Variants in NAALADL2 observed in about 807,000 individuals in gnomAD.
NAALADL2 encodes the protein inactive N-acetylated-alpha-linked acidic dipeptidase-like protein 2.
NAALADL2 carries 76 observed loss-of-function variants against 87.2 expected under a neutral mutation model. That is an observed-to-expected ratio of 0.87 (90% CI 0.72 to 1.05). The LOEUF is 1.05. Among genes scored for constraint, NAALADL2 ranks in the 50% least tolerant of loss-of-function variants. The pLI is 0.00. For missense variants in NAALADL2, 1,089 were observed against 945.8 expected (o/e 1.15, Z -1.99); for synonymous variants, 354 against 331.0 (o/e 1.07, Z -0.75).
intron 1 of NAALADL2, among the ~76,000 whole-genome samples, chr3:174,457,522 C>T (rs1413060468): frequency 6.6e-6 from 1 of 152,026 alleles, no homozygotes; most frequent in Non-Finnish European, 1.5e-5. Context: ...TGCAGCCATA[C>T]AGCCATAGAA....
intron 2 of NAALADL2, among the ~76,000 whole-genome samples, chr3:175,194,797 A>C (rs1185320362): frequency 6.6e-6 from 1 of 151,842 alleles, no homozygotes; most frequent in African/African-American, 2.4e-5. Flanking sequence ...TTTTCTATTT[A>C]AGGAACCACA....
chr3:175,787,087 G>C (rs1019605076), intron 13 of NAALADL2, among the ~76,000 whole-genome samples: 18 of 152,032 alleles, frequency 1.2e-4, no homozygotes, highest in African/African-American at 4.1e-4. Context: ...CTCCAGCTGT[G>C]TGCTGGGAGA....
At chr3:174,543,043 G>T (rs924270552) in intron 1 of NAALADL2, among the ~76,000 whole-genome samples, 5 of 152,176 alleles carry the variant, frequency 3.3e-5, no homozygotes, top group African/African-American at 9.7e-5. Flanking sequence ...AACCATAGGG[G>T]TGGTACTTTA....
In NAALADL2 at chr3:175,343,655, G is replaced by GTTTT. The variant is rs113806607; in HGVS notation, c.1090+19348_1090+19351dup. On this transcript the variant is annotated intron_variant, in intron 5 of 13. Coordinates refer to ENST00000454872, the MANE Select transcript of NAALADL2 (RefSeq NM_207015.3). ...TGGAGTTCCTGTGTGTCTTGATCAT[G>GTTTT]TTTTTTTTTTTTTTTTTTTTTCCCT... 5.8e-3 allele frequency among the ~76,000 whole-genome samples: 373 copies of GTTTT among 64,678 alleles called. 33 individuals carry two copies. The highest frequency in any genetic ancestry group is 0.015 in the African/African-American group (328 of 21,828). 42.4% of individuals were successfully genotyped at this position (64,678 alleles called of 152,430 possible).
At chr3:174,503,867 C>G (rs1719049455) in intron 1 of NAALADL2, among the ~76,000 whole-genome samples, 1 of 151,958 alleles carries the variant, frequency 6.6e-6, no homozygotes, top group Admixed American at 6.6e-5. Flanking sequence ...ACCCTTCTTT[C>G]AAAATTCTTC....
At chr3:174,640,234 C>T (rs959488355) in intron 2 of NAALADL2, among the ~76,000 whole-genome samples, 28 of 152,202 alleles carry the variant, frequency 1.8e-4, no homozygotes, top group African/African-American at 6.5e-4. Context: ...AACTGCTTCT[C>T]ATGTAGGCAA....
intron 5 of NAALADL2, among the ~76,000 whole-genome samples, chr3:175,368,572 A>AGTGTGTGTGT (rs3068008): frequency 1.3e-5 from 2 of 149,632 alleles, no homozygotes; most frequent in South Asian, 4.2e-4. Flanking sequence ...GGTGTGTGTG[A>AGTGTGTGTGT]GTGTGTGTGT....
intron 5 of NAALADL2, among the ~76,000 whole-genome samples, chr3:175,370,039 A>G (rs1262458931): frequency 6.6e-6 from 1 of 152,180 alleles, no homozygotes; most frequent in African/African-American, 2.4e-5. Context: ...GTCACATGTC[A>G]TCTGAGAGCT....
At chr3:175,787,229 G>A (rs1752127805) in intron 13 of NAALADL2, among the ~76,000 whole-genome samples, 1 of 152,104 alleles carries the variant, frequency 6.6e-6, no homozygotes, top group South Asian at 2.1e-4. Context: ...TTGAGCTGTG[G>A]TGGGCTCCAC....
chr3:175,628,563 A>G (rs1727312515), intron 11 of NAALADL2, among the ~76,000 whole-genome samples: 1 of 148,674 alleles, frequency 6.7e-6, no homozygotes, highest in Non-Finnish European at 1.5e-5. Flanking sequence ...TTGGGGATAG[A>G]CTTTATAGAG....
intron 2 of NAALADL2, among the ~76,000 whole-genome samples, chr3:175,176,320 A>C (rs1735685781): frequency 6.6e-6 from 1 of 152,122 alleles, no homozygotes; most frequent in Admixed American, 6.6e-5. Context: ...ATAGAATCAA[A>C]ATATTTTACA....
intron 12 of NAALADL2, among the ~76,000 whole-genome samples, chr3:175,747,720 T>G (rs2150114563): frequency 6.6e-6 from 1 of 152,252 alleles, no homozygotes; most frequent in East Asian, 1.9e-4. Flanking sequence ...CAATTTCAAC[T>G]TTCTGCCTCA....
At chr3:174,741,091 C>G (rs1435222126) in intron 3 of NAALADL2, among the ~76,000 whole-genome samples, 2 of 151,776 alleles carry the variant, frequency 1.3e-5, no homozygotes, top group Admixed American at 6.6e-5. Flanking sequence ...TACAATCTTA[C>G]AGCACTCATG....
At chr3:175,735,008 A>G (rs867253355) in intron 11 of NAALADL2, among the ~76,000 whole-genome samples, 3 of 152,308 alleles carry the variant, frequency 2.0e-5, no homozygotes, top group Middle Eastern at 3.4e-3. Context: ...CCAAATTTTT[A>G]TGCTCTGTTT....
intron 5 of NAALADL2, among the ~76,000 whole-genome samples, chr3:175,366,861 T>C (rs1765660376): frequency 6.6e-6 from 1 of 152,002 alleles, no homozygotes. Flanking sequence ...CTCTTTAGTA[T>C]AATTAGATCC....
chr3:174,584,625 C>A (rs1216598560), intron 2 of NAALADL2, among the ~76,000 whole-genome samples: 1 of 152,004 alleles, frequency 6.6e-6, no homozygotes, highest in African/African-American at 2.4e-5. Flanking sequence ...CTTTTAAGTA[C>A]AAATCTCCAT....
At chr3:175,258,529 CAA>C (rs1409913630) in intron 4 of NAALADL2, among the ~76,000 whole-genome samples, 1 of 151,958 alleles carries the variant, frequency 6.6e-6, no homozygotes, top group Non-Finnish European at 1.5e-5. Flanking sequence ...GTGAACATTT[CAA>C]AGTTAGCTAC....
At chr3:175,060,012 C>T (rs547009324) in intron 1 of NAALADL2, 3 of 421,786 alleles carry the variant, frequency 7.1e-6, no homozygotes, top group South Asian at 5.8e-5. Flanking sequence ...CAGGGCTTTT[C>T]AGGTCTCTGA....
At chr3:175,417,161 T>G (rs1482522904) in intron 5 of NAALADL2, among the ~76,000 whole-genome samples, 1 of 139,562 alleles carries the variant, frequency 7.2e-6, no homozygotes, top group African/African-American at 2.6e-5. Flanking sequence ...AACTGCAAAA[T>G]TCACTGGTTT....
Sources: gnomAD v4.1 joint callset for allele counts (sites outside exome capture counted in the v4.1 genomes callset) on GRCh38, gnomAD v4.1.1 for gene constraint, MANE v1.5 for transcripts, NCBI Gene and HGNC (gene_info 2026-07-23, HGNC 2026-07-21) for gene names.